Variants in KCND2 observed in about 807,000 individuals in gnomAD.
KCND2 encodes the protein A-type voltage-gated potassium channel KCND2.
KCND2 carries 16 observed loss-of-function variants against 54.4 expected under a neutral mutation model. The ratio of observed to expected loss-of-function variants is 0.29; its 90% CI spans 0.20 to 0.45. The LOEUF (loss-of-function observed/expected upper bound fraction) is 0.45. Among genes scored for constraint, KCND2 ranks in the 20% least tolerant of loss-of-function variants. The pLI is 1.00. For synonymous variants in KCND2, 317 were observed against 310.7 expected (o/e 1.02, Z -0.21); for missense variants, 486 against 824.2 (o/e 0.59, Z 5.02).
chr7:120,297,733 G>T (rs559883611), intron 1 of KCND2, among the ~76,000 whole-genome samples: 18 of 152,022 alleles, frequency 1.2e-4, no homozygotes, highest in Admixed American at 5.2e-4. Flanking sequence ...TTCACAAATG[G>T]CTGTGATTTC....
chr7:120,464,775 C>G (rs1802343972), intron 1 of KCND2, among the ~76,000 whole-genome samples: 1 of 152,160 alleles, frequency 6.6e-6, no homozygotes, highest in African/African-American at 2.4e-5. Flanking sequence ...GGGGCACTTT[C>G]TGCTCCTGGA....
chr7:120,647,623 C>A (rs982898280), intron 1 of KCND2, among the ~76,000 whole-genome samples: 1 of 152,080 alleles, frequency 6.6e-6, no homozygotes, highest in East Asian at 1.9e-4. Flanking sequence ...CAGAAAAGAA[C>A]GGCTAATTAT....
intron 1 of KCND2, among the ~76,000 whole-genome samples, chr7:120,711,447 T>C (rs531727125): frequency 2.0e-4 from 30 of 152,292 alleles, no homozygotes; most frequent in African/African-American, 7.2e-4. Flanking sequence ...ATCTGATAGC[T>C]ATGAAGATGA....
chr7:120,593,312 AACCTCCT>A (rs565479527), intron 1 of KCND2, among the ~76,000 whole-genome samples: 136 of 152,322 alleles, frequency 8.9e-4, no homozygotes, highest in Middle Eastern at 6.8e-3. Context: ...AGGGTAGAAC[AACCTCCT>A]GATTGATTCA....
At chr7:120,518,477 T>C (rs1487112704) in intron 1 of KCND2, among the ~76,000 whole-genome samples, 1 of 152,182 alleles carries the variant, frequency 6.6e-6, no homozygotes, top group East Asian at 1.9e-4. Context: ...TGGAAAATTA[T>C]GATGATTCTT....
rs145200402 is a variant in KCND2 at position 120,655,986 on chromosome 7, T to C, written c.1116-76917T>C. 2.0e-5 allele frequency among the ~76,000 whole-genome samples: 3 copies of C among 152,322 alleles called. No homozygotes were observed. The East Asian group carries it at 5.8e-4, about 29-fold the overall frequency. On this transcript the variant is annotated intron_variant, in intron 1 of 5. Transcript: ENST00000331113. ...TCAATCTACAAGCTTTCCTGAGTTT[T>C]CGTTTAAAATTATATTTAGTTCATT... is the stretch of plus-strand genomic sequence containing the variant.
intron 1 of KCND2, among the ~76,000 whole-genome samples, chr7:120,683,643 A>G (rs754408339): frequency 5.3e-5 from 8 of 152,164 alleles, no homozygotes; most frequent in Non-Finnish European, 8.8e-5. Context: ...GTGTCTAGAG[A>G]GAAAATGTGA....
At chr7:120,576,149 C>T (rs1792430154) in intron 1 of KCND2, among the ~76,000 whole-genome samples, 1 of 152,096 alleles carries the variant, frequency 6.6e-6, no homozygotes, top group Admixed American at 6.6e-5. Context: ...AGCAATTTTT[C>T]AGTTAGATTT....
intron 1 of KCND2, among the ~76,000 whole-genome samples, chr7:120,571,076 C>A (rs1274354534): frequency 6.6e-6 from 1 of 152,192 alleles, no homozygotes; most frequent in Non-Finnish European, 1.5e-5. Flanking sequence ...CTTCCCACAA[C>A]TACACCCCTA....
chr7:120,596,456 A>C (rs1181763334), intron 1 of KCND2, among the ~76,000 whole-genome samples: 1 of 152,216 alleles, frequency 6.6e-6, no homozygotes, highest in Non-Finnish European at 1.5e-5. Flanking sequence ...AAAGTTATTT[A>C]AAAATTGTGT....
intron 1 of KCND2, among the ~76,000 whole-genome samples, chr7:120,443,039 T>C (rs1304017218): frequency 6.6e-6 from 1 of 152,096 alleles, no homozygotes; most frequent in African/African-American, 2.4e-5. Flanking sequence ...TCCATCACTT[T>C]CAAGTGTTTC....
rs114202360 is a variant in KCND2, at chr7:120,487,073, A to G, written c.1115+211326A>G. ...CAATATGCTAAGCTACTGGAAGCCA[A>G]TGTGAAAAACACAGTGCAGGAGCAC... On this transcript the variant is annotated intron_variant, in intron 1 of 5. Coordinates refer to ENST00000331113, the MANE Select transcript of KCND2 (RefSeq NM_012281.3). 7.6e-3 allele frequency among the ~76,000 whole-genome samples: 1,155 copies of G among 152,316 alleles called. 13 individuals carry two copies. The highest frequency in any genetic ancestry group is 0.027 in the African/African-American group (1,103 of 41,566).
chr7:120,364,580 G>A (rs1424754050), intron 1 of KCND2, among the ~76,000 whole-genome samples: 3 of 152,098 alleles, frequency 2.0e-5, no homozygotes, highest in Non-Finnish European at 2.9e-5. Context: ...GAGAGAAATT[G>A]GACTCAGCTC....
At chr7:120,385,996 T>A (rs1800982448) in intron 1 of KCND2, among the ~76,000 whole-genome samples, 1 of 152,120 alleles carries the variant, frequency 6.6e-6, no homozygotes, top group Admixed American at 6.6e-5. Flanking sequence ...CACACATTAT[T>A]TTTGGCTTGA....
intron 1 of KCND2, among the ~76,000 whole-genome samples, chr7:120,303,939 C>T (rs1252999008): frequency 2.0e-5 from 3 of 152,240 alleles, no homozygotes; most frequent in Admixed American, 6.5e-5. Flanking sequence ...ACGTGACCAG[C>T]ATAGAGTTAG....
At chr7:120,463,361 T>C (rs1802312353) in intron 1 of KCND2, among the ~76,000 whole-genome samples, 1 of 142,624 alleles carries the variant, frequency 7.0e-6, no homozygotes, top group Non-Finnish European at 1.5e-5. Context: ...ATGTATAATC[T>C]CTAAAGTTAG....
intron 1 of KCND2, among the ~76,000 whole-genome samples, chr7:120,525,445 G>C (rs1229059057): frequency 6.6e-6 from 1 of 152,148 alleles, no homozygotes; most frequent in African/African-American, 2.4e-5. Flanking sequence ...CTTGTATTCA[G>C]AATGCTATGG....
chr7:120,647,276 C>A (rs1793453574), intron 1 of KCND2, among the ~76,000 whole-genome samples: 1 of 152,148 alleles, frequency 6.6e-6, no homozygotes, highest in Non-Finnish European at 1.5e-5. Context: ...TAGCAACAGG[C>A]TGCCTGGCAG....
chr7:120,421,577 C>T (rs770389880), intron 1 of KCND2, among the ~76,000 whole-genome samples: 1 of 152,194 alleles, frequency 6.6e-6, no homozygotes, highest in Non-Finnish European at 1.5e-5. Flanking sequence ...TGTGATGACA[C>T]CTAAGCATCT....
Sources: allele counts gnomAD v4.1 joint callset (sites outside exome capture counted in the v4.1 genomes callset), GRCh38; gene constraint gnomAD v4.1.1; transcripts MANE v1.5; gene names NCBI Gene and HGNC (gene_info 2026-07-23, HGNC 2026-07-21).